Variants in TULP1 observed in about 807,000 individuals in gnomAD.
TULP1 encodes TUB like protein 1.
TULP1 carries 50 observed loss-of-function variants against 67.1 expected under a neutral mutation model. The ratio of observed to expected loss-of-function variants is 0.75; its 90% confidence interval spans 0.59 to 0.94. TULP1 has a LOEUF of 0.94. TULP1 is among the 40% of genes least tolerant of loss of function. The pLI, the probability that TULP1 is intolerant of heterozygous loss-of-function variation, is 0.00. For synonymous variants in TULP1, 297 were observed against 294.0 expected (o/e 1.01, Z -0.11); for missense variants, 746 against 734.1 (o/e 1.02, Z -0.19).
chr6:35,499,010 C>T (rs1045816170), intron 14 of TULP1, among the ~76,000 whole-genome samples: 5 of 152,158 alleles, frequency 3.3e-5, no homozygotes, highest in African/African-American at 1.2e-4. Flanking sequence ...CGAGGCTCCA[C>T]CAGAAACGTG....
chr6:35,508,823 G>C (rs1478581315), intron 8 of TULP1, among the ~76,000 whole-genome samples: 1 of 152,102 alleles, frequency 6.6e-6, no homozygotes, highest in Non-Finnish European at 1.5e-5. Flanking sequence ...CTGTAGGGTG[G>C]AAACATTTTA....
chr6:35,498,248 C>G lies in TULP1; in HGVS notation c.*79G>C. The G allele has an allele frequency of 6.4e-7, 1 of 1,570,584 alleles. No homozygotes were observed. The highest frequency in any genetic ancestry group is 8.6e-7 in the Non-Finnish European group (1 of 1,163,644). On this transcript the variant is annotated 3_prime_UTR_variant, in exon 15 of 15. Transcript: ENST00000229771. The surrounding 1 kb of genome is among the most constrained non-coding windows in gnomAD (Gnocchi z 6.7). ...GGAGCAGTTTTCCGCGGGAGCTTTG[C>G]TGGAGGGACCCTGCCAGCCTCCACT...
At chr6:35,506,244 A>T in intron 9 of TULP1, 30 bp downstream of exon 9, 1 of 1,602,754 alleles carries the variant, frequency 6.2e-7, no homozygotes, top group Admixed American at 1.7e-5. Context: ...CCCAGTGCTG[A>T]GACACGGGCA....
Position 35,506,079 on chromosome 6 carries a change from C to G in TULP1, c.923G>C (p.Arg308Pro). 1 of 1,613,680 alleles carries G rather than the reference C, an allele frequency of 6.2e-7. No individual in the cohort carries two copies. Among genetic ancestry groups the G allele is most frequent in the Non-Finnish European group, 8.5e-7 (1 of 1,180,014 alleles). ...CATGCCCTTTTTGTCCCGGGTCAGC[C>G]GGCAGCGCACCGTGCGGCCCTGGGG... ...PAPQGRTVRC[R>P]LTRDKKGMDR... Residue 308 changes from arginine (R) to proline (P), a missense_variant, in exon 10 of 15, where the codon CGG becomes CCG. Arg to Pro is a moderately radical substitution (Grantham distance 103, BLOSUM62 -2). Coordinates refer to ENST00000229771, the MANE Select transcript of TULP1 (RefSeq NM_003322.6).
Position 35,510,879 on chromosome 6 carries a change from T to A in TULP1, c.481A>T (p.Lys161Ter). The change falls in exon 5 of 15, where the codon AAG (lysine) becomes TAG (stop). Residue 161 changes from lysine (K) to a stop codon, truncating the protein, a stop_gained. Coordinates refer to ENST00000229771, the MANE Select transcript of TULP1 (RefSeq NM_003322.6). LOFTEE classifies it high-confidence loss of function. ...CACCCACCCCTTGGGCCCTGGGCCTTGGCCCTCCTCTCCTTCAGGTCTGCG... is the reference window on the plus strand; with the variant it reads ...CACCCACCCCTTGGGCCCTGGGCCTAGGCCCTCCTCTCCTTCAGGTCTGCG... ...SSADLKERRA[K>*]AQGPRGDLGS... 3 of 1,614,040 alleles carry A rather than the reference T, an allele frequency of 1.9e-6. No individual in the cohort carries two copies. Among genetic ancestry groups the A allele is most frequent in the Non-Finnish European group, 2.5e-6 (3 of 1,180,040 alleles).
chr6:35,502,606 T>C (rs556842169), intron 13 of TULP1, among the ~76,000 whole-genome samples: 1 of 152,020 alleles, frequency 6.6e-6, no homozygotes, highest in East Asian at 1.9e-4. Context: ...CAATACTCCC[T>C]GCGTCAGCCT....
Position 35,498,483 on chromosome 6 carries a change from G to A in TULP1, c.1496-23C>T, listed in dbSNP as rs1299704011. 1.2e-6 allele frequency: 2 copies of A among 1,613,136 alleles called. No homozygotes were observed. Among genetic ancestry groups the A allele is most frequent in the African/African-American group, 2.7e-5 (2 of 74,918 alleles). On this transcript the variant is annotated intron_variant, in intron 14 of 14. Transcript: ENST00000229771. This position sits in a 1 kb window ranked among gnomAD's most constrained non-coding sequence, Gnocchi z 6.7. ...CGGCTATGGACACAAGACGGGGTGG[G>A]GGCGGCCCGAGACCTCCTTGGACCC... is the stretch of plus-strand genomic sequence containing the variant.
At chr6:35,500,855 G>A (rs993830605) in intron 13 of TULP1, among the ~76,000 whole-genome samples, 1 of 152,188 alleles carries the variant, frequency 6.6e-6, no homozygotes, top group Non-Finnish European at 1.5e-5. Flanking sequence ...GCTGCCTCTG[G>A]GGGATTTGTG....
rs563577018 is a variant in TULP1 at position 35,501,727 on chromosome 6, T to C, written c.1324-1575A>G. Among the ~76,000 whole-genome samples, 193 of 152,140 alleles carry C rather than the reference T, an allele frequency of 1.3e-3. 2 individuals are homozygous for C. Among genetic ancestry groups the C allele is most frequent in the African/African-American group, 4.5e-3 (185 of 41,512 alleles). On this transcript the variant is annotated intron_variant, in intron 13 of 14. Coordinates refer to ENST00000229771, the MANE Select transcript of TULP1 (RefSeq NM_003322.6). ...CTCGGGAGGCTGAGGCAGGAGAATC[T>C]CTTGAACCTGGGAAGTAGAGGTTGC...
rs774767185 is a variant in TULP1 at position 35,500,070 on chromosome 6, T to C, written c.1406A>G (p.Asn469Ser). ...IELHNKPPVW[N>S]DDSGSYTLNF... ...GAGGGTGTAGGAGCCACTGTCATCG[T>C]TCCAGACAGGTGGCTTGTTGTGCAG... Residue 469 changes from asparagine (N) to serine (S), a missense_variant, in exon 14 of 15, where the codon AAC becomes AGC. Transcript: ENST00000229771. 1 of 1,614,144 alleles carries C rather than the reference T, an allele frequency of 6.2e-7. No homozygotes were observed. Among genetic ancestry groups the C allele is most frequent in the South Asian group, 1.1e-5 (1 of 91,084 alleles).
chr6:35,512,864 C>A lies in TULP1; in HGVS notation c.-6G>T. On this transcript the variant is annotated 5_prime_UTR_variant, in exon 1 of 15. It adds an upstream start codon to the 5' untranslated region. Transcript: ENST00000229771. ...GTTTCATCCCGCAGAGGCATGGTGC[C>A]TTTGCCTATCGCACCCCTTTCTCTG... 1 of 1,612,502 alleles carries A rather than the reference C, an allele frequency of 6.2e-7. No homozygotes were observed. Among genetic ancestry groups the A allele is most frequent in the Non-Finnish European group, 8.5e-7 (1 of 1,180,010 alleles).
intron 13 of TULP1, among the ~76,000 whole-genome samples, chr6:35,501,964 C>G (rs1760975543): frequency 1.3e-5 from 2 of 152,164 alleles, no homozygotes; most frequent in Admixed American, 6.5e-5. Flanking sequence ...CACTGGTCAC[C>G]TGGTGGTTCC....
chr6:35,506,274 C>T lies in TULP1; in HGVS notation c.828G>A (p.Ala276=), dbSNP rs929294496. 7 of 1,582,296 alleles carry T rather than the reference C, an allele frequency of 4.4e-6. No individual in the cohort carries two copies. Among genetic ancestry groups the T allele is most frequent in the Non-Finnish European group, 4.3e-6 (5 of 1,164,402 alleles). The change falls in exon 9 of 15, where the codon GCG becomes GCA. Residue 276 remains alanine, a splice_region_variant and synonymous_variant. Transcript: ENST00000229771. The part of the protein sequence containing the change: ...GKAKGKGKKK[A]KEERAPSPPV... ...CGGGCAGCCCGGCAGGACAACTCACCGCTTTCTGTGTGCGGAGAGAACAGA... is the reference window on the plus strand; with the variant it reads ...CGGGCAGCCCGGCAGGACAACTCACTGCTTTCTGTGTGCGGAGAGAACAGA...
intron 14 of TULP1, 112 bp downstream of exon 14, chr6:35,499,869 C>T: frequency 1.5e-6 from 2 of 1,357,568 alleles, no homozygotes; most frequent in Non-Finnish European, 2.1e-6. Context: ...TGTCCCAGCT[C>T]TCGGGATAAA....
Position 35,512,820 on chromosome 6 carries a change from G to A in TULP1, c.39C>T (p.Ala13=), listed in dbSNP as rs772251687. The change falls in exon 1 of 15, where the codon GCC becomes GCT. Residue 13 remains alanine, a synonymous_variant. Coordinates refer to ENST00000229771, the MANE Select transcript of TULP1 (RefSeq NM_003322.6). ...CTGGGGGCCTTCCAGACCTGTCAGA[G>A]GCCCACACCTCTCGGAGGGTTTCAT... is the stretch of plus-strand genomic sequence containing the variant. ...LRDETLREVW[A]SDSGHEEESL... The A allele has an allele frequency of 1.2e-6, 2 of 1,607,204 alleles. No homozygotes were observed. The highest frequency in any genetic ancestry group is 1.7e-6 in the Non-Finnish European group (2 of 1,177,220).
intron 8 of TULP1, among the ~76,000 whole-genome samples, chr6:35,508,806 C>G (rs1464214240): frequency 1.3e-5 from 2 of 152,098 alleles, no homozygotes; most frequent in East Asian, 1.9e-4. Context: ...GCCTGGGGAG[C>G]TCAGGGCTGT....
At chr6:35,512,112 G>A (rs373819607) in intron 3 of TULP1, 68 bp downstream of exon 3, 5 of 787,194 alleles carry the variant, frequency 6.4e-6, no homozygotes, top group East Asian at 1.3e-4. Context: ...CACCCGCGCC[G>A]GCCCTCAAGC....
intron 5 of TULP1, 165 bp downstream of exon 5, chr6:35,510,696 C>G (rs1761178169): frequency 6.6e-7 from 1 of 1,517,900 alleles, no homozygotes; most frequent in East Asian, 2.4e-5. Context: ...GGTCTATGTC[C>G]TTAAGGACCA....
chr6:35,510,068 T>C, intron 5 of TULP1, 140 bp from the exon 6 acceptor site: 3 of 751,868 alleles, frequency 4.0e-6, no homozygotes, highest in Non-Finnish European at 6.5e-6. Flanking sequence ...CTTTTTCTTT[T>C]TTTTTTTGAG....
Sources: gnomAD v4.1 joint callset for allele counts (sites outside exome capture counted in the v4.1 genomes callset) on GRCh38, gnomAD v4.1.1 for gene constraint, Gnocchi (gnomAD v3.1) non-coding constraint, MANE v1.5 for transcripts, NCBI Gene and HGNC (gene_info 2026-07-23, HGNC 2026-07-21) for gene names.